HPRT1: variants seen among roughly 807,000 people sequenced by gnomAD.
HPRT1 encodes the protein hypoxanthine-guanine phosphoribosyltransferase.
Under a neutral mutation model 19.0 loss-of-function variants are expected in HPRT1, and 4 were observed. The observed-to-expected ratio is 0.21, with a 90% CI of 0.10 to 0.48. The LOEUF (loss-of-function observed/expected upper bound fraction) is 0.48. Among genes scored for constraint, HPRT1 ranks in the 20% least tolerant of loss-of-function variants. The probability of loss-of-function intolerance (pLI) is 0.98; values close to 1 mark genes in which losing one functional copy is unlikely to be tolerated. For missense variants in HPRT1, 65 were observed against 164.0 expected (o/e 0.40, Z 3.30); for synonymous variants, 53 against 54.9 (o/e 0.97, Z 0.15).
chrX:134,467,561 G>A (rs141351004), intron 1 of HPRT1, among the ~76,000 whole-genome samples: 2,483 of 111,560 alleles, frequency 0.022, 25 homozygotes, highest in Non-Finnish European at 0.034. Context: ...TATCAGATGG[G>A]ACAAGTAAGG....
At chrX:134,471,119 C>T (rs1782370047) in intron 1 of HPRT1, among the ~76,000 whole-genome samples, 1 of 108,879 alleles carries the variant, frequency 9.2e-6, no homozygotes, top group African/African-American at 3.3e-5. Context: ...AAAAATTTCC[C>T]ATACATTTTA....
intron 3 of HPRT1, among the ~76,000 whole-genome samples, chrX:134,478,001 A>G (rs1251990039): frequency 8.9e-6 from 1 of 112,277 alleles, no homozygotes; most frequent in Non-Finnish European, 1.9e-5. Flanking sequence ...ACCCTGTTTA[A>G]TAATTCAGCA....
chrX:134,460,321 C>T lies in HPRT1; in HGVS notation c.10C>T (p.Arg4Cys). 2 of 1,131,755 alleles carry T rather than the reference C, an allele frequency of 1.8e-6. No homozygotes were observed. Among genetic ancestry groups the T allele is most frequent in the Non-Finnish European group, 2.3e-6 (2 of 860,046 alleles). 93.3% of individuals were successfully genotyped at this position (1,131,755 alleles called of 1,213,427 possible). A position where few individuals can be genotyped will look rare whatever the true frequency, so the allele number is the denominator to read the frequency against. Reference sequence around the variant, plus strand: ...GCCGGCCGGCTCCGTTATGGCGACCCGCAGCCCTGGCGTCGTGGTGAGCAG... The same window carrying T: ...GCCGGCCGGCTCCGTTATGGCGACCTGCAGCCCTGGCGTCGTGGTGAGCAG... MAT[R>C]SPGVVISDDE... The change falls in exon 1 of 9, where the codon CGC becomes TGC. Residue 4 changes from arginine (R) to cysteine (C), a missense_variant. Arg to Cys is a radical substitution (Grantham distance 180). Around this residue, in one of 4 missense-constraint regions of HPRT1, gnomAD observed 23 missense variants for 29.3 expected, o/e 0.79. Transcript: ENST00000298556.
chrX:134,474,251 C>G (rs1227831044), intron 2 of HPRT1, among the ~76,000 whole-genome samples: 1 of 111,404 alleles, frequency 9.0e-6, no homozygotes, highest in Non-Finnish European at 1.9e-5. Context: ...CTAGAAGAAA[C>G]ATTCTTTTAC....
At chrX:134,472,386 C>G (rs759575385) in intron 1 of HPRT1, among the ~76,000 whole-genome samples, 1 of 110,900 alleles carries the variant, frequency 9.0e-6, no homozygotes, top group Non-Finnish European at 1.9e-5. Context: ...TAATGAATAC[C>G]CGTATGTTCA....
chrX:134,488,828 T>C (rs1014668910), intron 4 of HPRT1, among the ~76,000 whole-genome samples: 6 of 112,119 alleles, frequency 5.4e-5, no homozygotes, highest in Non-Finnish European at 1.1e-4. Context: ...CATAACTGTG[T>C]TACTCATTTG....
chrX:134,477,756 C>CT (rs2077629603), intron 3 of HPRT1, among the ~76,000 whole-genome samples: 1 of 112,347 alleles, frequency 8.9e-6, no homozygotes, highest in Non-Finnish European at 1.9e-5. Context: ...TCACTGTGGC[C>CT]TTGACCTTCT....
At chrX:134,470,094 A>G (rs951044483) in intron 1 of HPRT1, among the ~76,000 whole-genome samples, 21 of 112,556 alleles carry the variant, frequency 1.9e-4, no homozygotes, top group African/African-American at 6.1e-4. Flanking sequence ...TTCCCCCAAG[A>G]ATAGAAATTT....
rs1349771443 is a variant in HPRT1, at chrX:134,473,478, T to C, written c.134+13T>C. ...TAATTATGGACAGGTAAGTAAGATC[T>C]TAAAATGAGGTTTTTTACTTTTTCT... is the stretch of plus-strand genomic sequence containing the variant. On this transcript the variant is annotated intron_variant, in intron 2 of 8. Coordinates refer to ENST00000298556, the MANE Select transcript of HPRT1 (RefSeq NM_000194.3). 8.1e-6 allele frequency: 8 copies of C among 991,018 alleles called. No homozygotes were observed. The highest frequency in any genetic ancestry group is 1.2e-5 in the Non-Finnish European group (8 of 695,074). The allele number at this position is 991,018 out of a possible 1,213,427, so 81.7% of individuals were successfully genotyped here.
At chrX:134,472,245 A>G (rs1266928725) in intron 1 of HPRT1, among the ~76,000 whole-genome samples, 1 of 111,112 alleles carries the variant, frequency 9.0e-6, no homozygotes, top group Non-Finnish European at 1.9e-5. Flanking sequence ...AAGCACTGGG[A>G]TTACAAGTGT....
intron 1 of HPRT1, among the ~76,000 whole-genome samples, chrX:134,468,879 T>C (rs919454323): frequency 8.9e-6 from 1 of 112,060 alleles, no homozygotes; most frequent in Non-Finnish European, 1.9e-5. Context: ...TTGCCTCTTA[T>C]TTAATTTCGT....
intron 1 of HPRT1, among the ~76,000 whole-genome samples, chrX:134,468,667 A>G (rs2077603352): frequency 9.3e-6 from 1 of 107,648 alleles, no homozygotes; most frequent in Non-Finnish European, 1.9e-5. Context: ...AGGCAGGAGA[A>G]TGGCGTGAAC....
chrX:134,497,742 C>G (rs1244957293), intron 6 of HPRT1, among the ~76,000 whole-genome samples: 1 of 111,099 alleles, frequency 9.0e-6, no homozygotes, highest in African/African-American at 3.3e-5. Flanking sequence ...GTCAGGAGAT[C>G]AAGACCATCC....
At chrX:134,469,819 CAG>C (rs1427860313) in intron 1 of HPRT1, among the ~76,000 whole-genome samples, 2 of 112,089 alleles carry the variant, frequency 1.8e-5, no homozygotes, top group Admixed American at 1.9e-4. Flanking sequence ...CAAGTGATAA[CAG>C]ATATATTCTG....
chrX:134,494,800 G>T (rs966023846), intron 6 of HPRT1, among the ~76,000 whole-genome samples: 1 of 111,700 alleles, frequency 9.0e-6, no homozygotes, highest in African/African-American at 3.3e-5. Flanking sequence ...CCTGGTATAT[G>T]CTGTGGAATT....
At chrX:134,462,556 G>A (rs747832293) in intron 1 of HPRT1, among the ~76,000 whole-genome samples, 13 of 110,809 alleles carry the variant, frequency 1.2e-4, no homozygotes, top group African/African-American at 3.6e-4. Flanking sequence ...GAGCTCAAGC[G>A]ATCTGCCCGC....
intron 3 of HPRT1, among the ~76,000 whole-genome samples, chrX:134,480,612 T>TA (rs1374701653): frequency 4.7e-4 from 46 of 97,787 alleles, no homozygotes; most frequent in Middle Eastern, 5.0e-3. Context: ...CATGGCTATT[T>TA]TAAAAAAAAA....
chrX:134,488,287 G>A (rs1266947482), intron 4 of HPRT1, among the ~76,000 whole-genome samples: 4 of 109,825 alleles, frequency 3.6e-5, no homozygotes, highest in Admixed American at 9.8e-5. Flanking sequence ...ACAGGCGCAC[G>A]CCACCATGCC....
At chrX:134,463,077 C>A (rs2077588673) in intron 1 of HPRT1, among the ~76,000 whole-genome samples, 4 of 111,793 alleles carry the variant, frequency 3.6e-5, no homozygotes. Flanking sequence ...AATGTAAACA[C>A]CCTAAAGTTA....
Sources: gnomAD v4.1 joint callset for allele counts (sites outside exome capture counted in the v4.1 genomes callset) on GRCh38, gnomAD v4.1.1 for gene constraint, gnomAD v4.1.1 regional missense constraint, MANE v1.5 for transcripts, NCBI Gene and HGNC (gene_info 2026-07-23, HGNC 2026-07-21) for gene names.